The following MAB21L3 variants were observed in gnomAD, a reference collection of about 807,000 sequenced individuals.
MAB21L3 encodes the protein mab-21 like 3, also known as protein mab-21-like 3.
MAB21L3 carries 36 observed loss-of-function variants against 37.7 expected under a neutral mutation model. That is an observed-to-expected ratio of 0.96 (90% CI 0.73 to 1.26). The LOEUF (loss-of-function observed/expected upper bound fraction) is 1.26, where lower values mean the gene tolerates loss of function less well. MAB21L3 is among the 50% of genes most tolerant of loss of function. The probability of loss-of-function intolerance (pLI) is 0.00; values close to 1 mark genes in which losing one functional copy is unlikely to be tolerated. For missense variants in MAB21L3, 430 were observed against 447.3 expected, an observed-to-expected ratio of 0.96 and a Z score of 0.35; for synonymous variants, 186 against 176.8, an observed-to-expected ratio of 1.05 and a Z score of -0.41.
At chr1:116,133,000 C>T (rs1660114669) in intron 7 of MAB21L3, 132 bp from the exon 8 acceptor site, 1 of 738,600 alleles carries the variant, frequency 1.4e-6, no homozygotes, top group Middle Eastern at 2.4e-4. Context: ...ATTGTGAATT[C>T]ATGGTAGATC....
intron 3 of MAB21L3, among the ~76,000 whole-genome samples, chr1:116,115,615 A>G (rs1243746198): frequency 6.6e-6 from 1 of 152,222 alleles, no homozygotes; most frequent in Non-Finnish European, 1.5e-5. Context: ...GGCCTGTGTG[A>G]CATTCCTGGC....
At chr1:116,126,955 T>C (rs574168224) in intron 5 of MAB21L3, among the ~76,000 whole-genome samples, 3 of 152,338 alleles carry the variant, frequency 2.0e-5, no homozygotes, top group South Asian at 2.1e-4. Flanking sequence ...TGCCCAACTG[T>C]AAGTTAATGT....
chr1:116,127,552 G>A lies in MAB21L3; in HGVS notation c.568G>A (p.Ala190Thr), dbSNP rs146733944. 47 of 1,614,012 alleles carry A rather than the reference G, an allele frequency of 2.9e-5. No homozygotes were observed. The highest frequency in any genetic ancestry group is 7.7e-5 in the South Asian group (7 of 91,088). Residue 190 changes from alanine to threonine, a missense_variant, in exon 6 of 8, where the codon GCA (alanine) becomes ACA (threonine). Transcript: ENST00000369500. ...TCAGGTGGAACTGGAGCTGGTCCCCGCAGTGGAGATCCCCACCACCTGGTC... is the reference window on the plus strand; with the variant it reads ...TCAGGTGGAACTGGAGCTGGTCCCCACAGTGGAGATCCCCACCACCTGGTC... ...AYQVELELVP[A>T]VEIPTTWSKK...
At position 116,127,578 on chromosome 1, in the gene MAB21L3, C is replaced by G; in HGVS notation, c.594C>G (p.Ser198=). 1 of 1,614,192 alleles carries G rather than the reference C, an allele frequency of 6.2e-7. No homozygotes were observed. Among genetic ancestry groups the G allele is most frequent in the Non-Finnish European group, 8.5e-7 (1 of 1,180,044 alleles). The change falls in exon 6 of 8, where the codon TCC becomes TCG. Residue 198 remains serine (S), a synonymous_variant. Transcript: ENST00000369500. ...CAGTGGAGATCCCCACCACCTGGTC[C>G]AAGAAAGCCCGGTGGCCTCGATGTC... ...VPAVEIPTTW[S]KKARWPRCLQ... is the part of the protein sequence containing the mutation.
At chr1:116,128,000 C>T in intron 6 of MAB21L3, 145 bp from the exon 7 acceptor site, 1 of 838,524 alleles carries the variant, frequency 1.2e-6, no homozygotes, top group East Asian at 2.7e-5. Context: ...TTGTGGTCTC[C>T]CTGGCACCCC....
At position 116,112,593 on chromosome 1, in the gene MAB21L3, T is replaced by G; in HGVS notation, c.-23T>G. The G allele has an allele frequency of 6.2e-7, 1 of 1,606,110 alleles. No homozygotes were observed. Among genetic ancestry groups the G allele is most frequent in the South Asian group, 1.1e-5 (1 of 89,636 alleles). ...AAAAAAAACCAGGAAGTTGCTGTTC[T>G]ACTGAGGACTGACCAAGAAGCCATG... On this transcript the variant is annotated 5_prime_UTR_variant, in exon 3 of 8. Coordinates refer to ENST00000369500, the MANE Select transcript of MAB21L3 (RefSeq NM_152367.3).
Position 116,127,396 on chromosome 1 carries a change from T to G in MAB21L3, c.482-70T>G, listed in dbSNP as rs1659938001. ...GCTGGTCAGAGCAACTGCTCACAAA[T>G]TTCTTGTTTGAACGCTTGTAATGTG... On this transcript the variant is annotated intron_variant, in intron 5 of 7. Transcript: ENST00000369500. 1.2e-5 allele frequency: 18 copies of G among 1,500,708 alleles called. No homozygotes were observed. The Middle Eastern group carries it at 5.3e-4, about 44-fold the overall frequency. The allele number at this position is 1,500,708 out of a possible 1,614,324, so 93.0% of individuals were successfully genotyped here. A position where few individuals can be genotyped will look rare whatever the true frequency, so the allele number is the denominator to read the frequency against.
Position 116,135,001 on chromosome 1 carries a change from T to A in MAB21L3, c.*1636T>A, listed in dbSNP as rs1660171342. On this transcript the variant is annotated 3_prime_UTR_variant, in exon 8 of 8. Transcript: ENST00000369500. ...CACATTTGAAAATGAAAATGATTAC[T>A]TTTCAAAAGTACTGTAAACGGCAGG... 2 of 152,140 alleles carry A rather than the reference T, an allele frequency of 1.3e-5. No homozygotes were observed. Among genetic ancestry groups the A allele is most frequent in the South Asian group, 4.1e-4 (2 of 4,828 alleles). 9.4% of individuals were successfully genotyped at this position (152,140 alleles called of 1,614,324 possible).
At chr1:116,128,725 C>T (rs905848631) in intron 7 of MAB21L3, among the ~76,000 whole-genome samples, 1 of 152,192 alleles carries the variant, frequency 6.6e-6, no homozygotes, top group Admixed American at 6.5e-5. Context: ...GTGCCTCACA[C>T]TTTGATGGCT....
intron 7 of MAB21L3, among the ~76,000 whole-genome samples, chr1:116,131,859 A>AT (rs1660074005): frequency 6.6e-6 from 1 of 152,162 alleles, no homozygotes; most frequent in Admixed American, 6.5e-5. Flanking sequence ...GTCCAGTGAG[A>AT]TGTGGAGGCA....
chr1:116,113,517 G>GA (rs1659487313), intron 3 of MAB21L3, among the ~76,000 whole-genome samples: 1 of 152,074 alleles, frequency 6.6e-6, no homozygotes, highest in African/African-American at 2.4e-5. Flanking sequence ...TTTTTTGTAA[G>GA]AAAAAACTCC....
chr1:116,133,090 A>G (rs1443286926), intron 7 of MAB21L3, 42 bp from the exon 8 acceptor site: 3 of 1,531,006 alleles, frequency 2.0e-6, no homozygotes, highest in African/African-American at 2.7e-5. Flanking sequence ...ATCCTCCTCA[A>G]TTGCCCGAAA....
chr1:116,137,568 G>A lies in MAB21L3; in HGVS notation c.*4203G>A, dbSNP rs1375826120. On this transcript the variant is annotated 3_prime_UTR_variant, in exon 8 of 8. Transcript: ENST00000369500. The stretch of plus-strand genomic sequence containing the variant: ...CAACCATTATGGAAGTCAGTGTGGC[G>A]ATTCCTCAGGGATCTAGAACTAGAA... 3.3e-5 allele frequency among the ~76,000 whole-genome samples: 5 copies of A among 149,886 alleles called. No homozygotes were observed. Among genetic ancestry groups the A allele is most frequent in the African/African-American group, 7.4e-5 (3 of 40,302 alleles).
At chr1:116,112,209 G>T (rs1222993627) in intron 2 of MAB21L3, among the ~76,000 whole-genome samples, 198 bp from the exon 3 acceptor site, 1 of 152,060 alleles carries the variant, frequency 6.6e-6, no homozygotes, top group Non-Finnish European at 1.5e-5. Context: ...GAGCATAAAA[G>T]GTGGGGAGAA....
chr1:116,122,113 G>C (rs1570806433), intron 4 of MAB21L3, among the ~76,000 whole-genome samples: 2 of 152,204 alleles, frequency 1.3e-5, no homozygotes, highest in South Asian at 2.1e-4. Flanking sequence ...ATAAATGAAT[G>C]AGTAAAAGAA....
intron 3 of MAB21L3, among the ~76,000 whole-genome samples, chr1:116,116,096 C>T (rs1289413396): frequency 6.6e-6 from 1 of 152,130 alleles, no homozygotes; most frequent in Non-Finnish European, 1.5e-5. Flanking sequence ...TACAGCTGCC[C>T]CAACCCCACT....
intron 3 of MAB21L3, among the ~76,000 whole-genome samples, chr1:116,116,255 G>T (rs960436303): frequency 2.0e-5 from 3 of 152,196 alleles, no homozygotes; most frequent in Non-Finnish European, 4.4e-5. Context: ...GAAACCCCCA[G>T]CACAAATCAC....
intron 7 of MAB21L3, among the ~76,000 whole-genome samples, chr1:116,131,671 C>A (rs1231783365): frequency 2.0e-5 from 3 of 152,110 alleles, no homozygotes; most frequent in Non-Finnish European, 2.9e-5. Flanking sequence ...CCCGCCACCA[C>A]GCCTGGCTAA....
chr1:116,127,515 A>G lies in MAB21L3; in HGVS notation c.531A>G (p.Glu177=). Residue 177 remains glutamate, a synonymous_variant, in exon 6 of 8, where the codon GAA becomes GAG. Coordinates refer to ENST00000369500, the MANE Select transcript of MAB21L3 (RefSeq NM_152367.3). ...GCTCTGCAGTTTGGGTTGCTGTGGA[A>G]ACATCTGCATATCAGGTGGAACTGG... The part of the protein sequence containing the change: ...GNRSAVWVAV[E]TSAYQVELEL... 2 of 1,614,186 alleles carry G rather than the reference A, an allele frequency of 1.2e-6. No homozygotes were observed. The highest frequency in any genetic ancestry group is 1.7e-6 in the Non-Finnish European group (2 of 1,180,036).
Sources: allele counts gnomAD v4.1 joint callset (sites outside exome capture counted in the v4.1 genomes callset), GRCh38; gene constraint gnomAD v4.1.1; transcripts MANE v1.5; gene names NCBI Gene and HGNC (gene_info 2026-07-23, HGNC 2026-07-21).